TENT4B: variants seen among roughly 807,000 people sequenced by gnomAD.
The protein encoded by TENT4B is PAP associated domain containing 5.
Under a neutral mutation model 75.0 loss-of-function variants are expected in TENT4B, and 10 were observed. The ratio of observed to expected loss-of-function variants is 0.13; its 90% CI spans 0.08 to 0.23. TENT4B has a LOEUF of 0.23. TENT4B is among the 10% of genes least tolerant of loss of function. TENT4B has a pLI of 1.00. For synonymous variants in TENT4B, 350 were observed against 357.7 expected (o/e 0.98, Z 0.24); for missense variants, 579 against 893.8 (o/e 0.65, Z 4.49).
At chr16:50,167,674 T>C (rs1200017130) in intron 1 of TENT4B, among the ~76,000 whole-genome samples, 4 of 151,960 alleles carry the variant, frequency 2.6e-5, no homozygotes, top group Non-Finnish European at 4.4e-5. Context: ...TTTTTGTTGT[T>C]GTTGAGACAG....
intron 1 of TENT4B, among the ~76,000 whole-genome samples, chr16:50,170,131 A>C (rs1260125655): frequency 6.6e-6 from 1 of 151,506 alleles, no homozygotes; most frequent in African/African-American, 2.4e-5. Flanking sequence ...CGCTCACTGC[A>C]ACCTCAGCCT....
upstream of TENT4B, chr16:50,153,157 G>T (rs1400267418): frequency 7.5e-5 from 31 of 411,758 alleles, 2 homozygotes; most frequent in African/African-American, 6.6e-4. Flanking sequence ...CAGCGGGGGC[G>T]GGGCGAGCGC....
intron 1 of TENT4B, among the ~76,000 whole-genome samples, chr16:50,208,775 C>T (rs1224868058): frequency 6.6e-6 from 1 of 152,122 alleles, no homozygotes; most frequent in Non-Finnish European, 1.5e-5. Flanking sequence ...CTCCATTGCC[C>T]AGGCTGGATT....
At chr16:50,152,954 T>C (rs936766959), upstream of TENT4B, 5 of 1,505,740 alleles carry the variant, frequency 3.3e-6, no homozygotes, top group Non-Finnish European at 4.4e-6. Context: ...GCAACCTCCA[T>C]GCGGCCTCGT....
At chr16:50,164,170 A>G (rs553209870) in intron 1 of TENT4B, among the ~76,000 whole-genome samples, 1 of 152,132 alleles carries the variant, frequency 6.6e-6, no homozygotes, top group Non-Finnish European at 1.5e-5. Context: ...AAAAAATAAA[A>G]AATAAAAAAG....
rs188634404 is a variant in TENT4B at position 50,210,448 on chromosome 16, T to C, written c.639-875T>C. Among the ~76,000 whole-genome samples, 15 of 152,298 alleles carry C rather than the reference T, an allele frequency of 9.8e-5. No homozygotes were observed. In the East Asian group the frequency reaches 2.9e-3, roughly 29 times the overall value. ...TCCGCAGGGTGTGGGTATGTGTGTGTCTTTTGTTTCTGGAGCCCATTCCTT... is the reference window on the plus strand; with the variant it reads ...TCCGCAGGGTGTGGGTATGTGTGTGCCTTTTGTTTCTGGAGCCCATTCCTT... On this transcript the variant is annotated intron_variant, in intron 1 of 11. Coordinates refer to ENST00000561678, the MANE Select transcript of TENT4B (RefSeq NM_001365324.3).
At chr16:50,158,111 G>C (rs1455427672) in intron 1 of TENT4B, among the ~76,000 whole-genome samples, 1 of 151,646 alleles carries the variant, frequency 6.6e-6, no homozygotes, top group Non-Finnish European at 1.5e-5. Flanking sequence ...TAATGAGAGG[G>C]AGTCTTGCTC....
intron 1 of TENT4B, among the ~76,000 whole-genome samples, chr16:50,187,940 T>A (rs1297274386): frequency 2.6e-5 from 4 of 152,188 alleles, no homozygotes; most frequent in Non-Finnish European, 5.9e-5. Context: ...TCTTTCTTTA[T>A]TTTTTAAAAA....
Position 50,230,619 on chromosome 16 carries a change from T to G in TENT4B, c.*1291T>G. 2 of 984,424 alleles carry G rather than the reference T, an allele frequency of 2.0e-6. No homozygotes were observed. Among genetic ancestry groups the G allele is most frequent in the Non-Finnish European group, 2.4e-6 (2 of 828,652 alleles). The allele number at this position is 984,424 out of a possible 1,614,324, so 61.0% of individuals were successfully genotyped here. ...CCTTATTAAGACCAAATACTTCTTGTCATCCCATTCTTTATCCTCTTCTTT... is the reference window on the plus strand; with the variant it reads ...CCTTATTAAGACCAAATACTTCTTGGCATCCCATTCTTTATCCTCTTCTTT... On this transcript the variant is annotated 3_prime_UTR_variant, in exon 12 of 12. Transcript: ENST00000561678.
chr16:50,167,512 A>C (rs564469786), intron 1 of TENT4B, among the ~76,000 whole-genome samples: 1 of 151,184 alleles, frequency 6.6e-6, no homozygotes, highest in African/African-American at 2.4e-5. Context: ...ATGATGTCTA[A>C]TTTGTCTATT....
At chr16:50,166,547 C>T (rs919097597) in intron 1 of TENT4B, among the ~76,000 whole-genome samples, 4 of 152,138 alleles carry the variant, frequency 2.6e-5, no homozygotes, top group African/African-American at 9.7e-5. Context: ...AATATCTATT[C>T]AAATCTTTTG....
chr16:50,165,424 T>C (rs145230526), intron 1 of TENT4B, among the ~76,000 whole-genome samples: 1 of 152,338 alleles, frequency 6.6e-6, no homozygotes, highest in East Asian at 1.9e-4. Flanking sequence ...TTTCTACTTA[T>C]TTTTATTGAG....
rs869060811 is a variant in TENT4B, at chr16:50,182,891, C to CTTTTTTTTTTTTTTTTTTTT, written c.639-28420_639-28401dup. On this transcript the variant is annotated intron_variant, in intron 1 of 11. Coordinates refer to ENST00000561678, the MANE Select transcript of TENT4B (RefSeq NM_001365324.3). The stretch of plus-strand genomic sequence containing the variant: ...CCAAGTACAGCAAGTTTTATTTTAC[C>CTTTTTTTTTTTTTTTTTTTT]TTTTTTTTTTTTTTTTTTTTTTTTT... Among the ~76,000 whole-genome samples the CTTTTTTTTTTTTTTTTTTTT allele has an allele frequency of 1.7e-3, 62 of 36,462 alleles. 17 individuals are homozygous for CTTTTTTTTTTTTTTTTTTTT. Among genetic ancestry groups the CTTTTTTTTTTTTTTTTTTTT allele is most frequent in the East Asian group, 9.4e-3 (8 of 848 alleles). The allele number at this position is 36,462 out of a possible 152,430, so 23.9% of individuals were successfully genotyped here. A position where few individuals can be genotyped will look rare whatever the true frequency, so the allele number is the denominator to read the frequency against.
In TENT4B at chr16:50,183,771, G is replaced by A. The variant is rs758970976; in HGVS notation, c.639-27552G>A. ...AAGAATTGGGCAGATTTGGCCAGGC[G>A]CGGTAGCTCATGCCTGTAATCCCAG... On this transcript the variant is annotated intron_variant, in intron 1 of 11. Coordinates refer to ENST00000561678, the MANE Select transcript of TENT4B (RefSeq NM_001365324.3). Among the ~76,000 whole-genome samples, 131 of 152,220 alleles carry A rather than the reference G, an allele frequency of 8.6e-4. 1 individual carries two copies. The highest frequency in any genetic ancestry group is 1.7e-3 in the Non-Finnish European group (114 of 68,020).
At chr16:50,188,405 T>C (rs2038576484) in intron 1 of TENT4B, among the ~76,000 whole-genome samples, 1 of 152,182 alleles carries the variant, frequency 6.6e-6, no homozygotes, top group Admixed American at 6.5e-5. Context: ...TAGTACAAAT[T>C]AGTTAAAATT....
chr16:50,213,545 T>A (rs2031395123), intron 2 of TENT4B, among the ~76,000 whole-genome samples: 1 of 152,262 alleles, frequency 6.6e-6, no homozygotes, highest in South Asian at 2.1e-4. Context: ...AATTTAGTAA[T>A]CTATTCGAAG....
In TENT4B at chr16:50,194,637, A is replaced by G. The variant is rs568719973; in HGVS notation, c.639-16686A>G. On this transcript the variant is annotated intron_variant, in intron 1 of 11. Transcript: ENST00000561678. ...GCAGTCATGGCTCACTGGAGCATCAATTTCCTGGGCTCAAGCGATACTTGC... is the reference window on the plus strand; with the variant it reads ...GCAGTCATGGCTCACTGGAGCATCAGTTTCCTGGGCTCAAGCGATACTTGC... Among the ~76,000 whole-genome samples, 10 of 151,346 alleles carry G rather than the reference A, an allele frequency of 6.6e-5. No individual in the cohort carries two copies. In the South Asian group the frequency reaches 1.3e-3, roughly 19 times the overall value.
At chr16:50,176,636 A>T (rs144311145) in intron 1 of TENT4B, among the ~76,000 whole-genome samples, 1,586 of 148,800 alleles carry the variant, frequency 0.011, 31 homozygotes, top group Middle Eastern at 0.059. Context: ...CCTCCTGAGC[A>T]GCTGGGACTA....
intron 1 of TENT4B, among the ~76,000 whole-genome samples, chr16:50,207,204 C>T (rs758037683): frequency 4.0e-5 from 6 of 151,364 alleles, no homozygotes; most frequent in African/African-American, 7.3e-5. Flanking sequence ...TTTTTTGAGA[C>T]GGAGTCTTGC....
Sources: gnomAD v4.1 joint callset for allele counts (sites outside exome capture counted in the v4.1 genomes callset) on GRCh38, gnomAD v4.1.1 for gene constraint, MANE v1.5 for transcripts, NCBI Gene and HGNC (gene_info 2026-07-23, HGNC 2026-07-21) for gene names.